Variants in ST3GAL6 observed in about 807,000 individuals in gnomAD.
ST3GAL6 encodes the protein ST3 beta-galactoside alpha-2,3-sialyltransferase 6.
In ST3GAL6, 31 loss-of-function variants were observed where a neutral mutation model predicts 40.5. The observed-to-expected ratio is 0.77, with a 90% CI of 0.58 to 1.03. ST3GAL6 has a LOEUF of 1.03. Among genes scored for constraint, ST3GAL6 ranks in the 50% least tolerant of loss-of-function variants. The pLI is 0.00. For synonymous variants in ST3GAL6, 129 were observed against 136.9 expected, an observed-to-expected ratio of 0.94 and a Z score of 0.40; for missense variants, 357 against 393.2, an observed-to-expected ratio of 0.91 and a Z score of 0.78.
intron 9 of ST3GAL6, 60 bp from the exon 10 acceptor site, chr3:98,793,615 G>T: frequency 1.9e-6 from 2 of 1,069,052 alleles, no homozygotes; most frequent in Non-Finnish European, 1.3e-6. Context: ...GTACTCCATT[G>T]GTGCTGCTAA....
intron 9 of ST3GAL6, 40 bp downstream of exon 9, chr3:98,792,033 A>G (rs1941253236): frequency 6.7e-7 from 1 of 1,495,130 alleles, no homozygotes; most frequent in South Asian, 1.4e-5. Context: ...TATGCTTTGG[A>G]CTAATCTTTG....
chr3:98,782,447 C>T, intron 5 of ST3GAL6: 3 of 617,356 alleles, frequency 4.9e-6, no homozygotes, highest in Non-Finnish European at 8.6e-6. Context: ...AATATAAAAT[C>T]TAGTCTCTTC....
Position 98,770,864 on chromosome 3 carries a change from A to G in ST3GAL6, c.90-15A>G. Reference sequence around the variant, plus strand: ...CCGATTCTGGTTTCTGACTGACATTATTTTTGTCTCATAGGGTGGCACCTG... The same window carrying G: ...CCGATTCTGGTTTCTGACTGACATTGTTTTTGTCTCATAGGGTGGCACCTG... On this transcript the variant is annotated splice_polypyrimidine_tract_variant and intron_variant, in intron 2 of 9. Coordinates refer to ENST00000483910, the MANE Select transcript of ST3GAL6 (RefSeq NM_001323368.2). 6.2e-7 allele frequency: 1 copy of G among 1,613,086 alleles called. No individual in the cohort carries two copies. Among genetic ancestry groups the G allele is most frequent in the South Asian group, 1.1e-5 (1 of 91,024 alleles).
At chr3:98,748,670 T>C (rs1936745284) in intron 1 of ST3GAL6, among the ~76,000 whole-genome samples, 1 of 152,204 alleles carries the variant, frequency 6.6e-6, no homozygotes, top group African/African-American at 2.4e-5. Context: ...TTTGCCATGT[T>C]GGCCAGGCTG....
At chr3:98,733,700 T>G (rs1202865576) in intron 1 of ST3GAL6, 1 of 706,462 alleles carries the variant, frequency 1.4e-6, no homozygotes, top group Non-Finnish European at 1.7e-6. Context: ...TCAAGCCTCT[T>G]TCTTGTGTGC....
chr3:98,735,223 A>G (rs1013497137), intron 1 of ST3GAL6, among the ~76,000 whole-genome samples: 1 of 152,186 alleles, frequency 6.6e-6, no homozygotes. Flanking sequence ...AGTGGCTCAC[A>G]TAAAGGTTTG....
At chr3:98,741,536 T>C (rs1315139519) in intron 1 of ST3GAL6, among the ~76,000 whole-genome samples, 2 of 151,922 alleles carry the variant, frequency 1.3e-5, no homozygotes, top group Non-Finnish European at 2.9e-5. Flanking sequence ...CAAAGTTTGG[T>C]GTTACTAGAG....
intron 1 of ST3GAL6, among the ~76,000 whole-genome samples, chr3:98,757,402 C>A (rs1937507320): frequency 6.6e-6 from 1 of 152,160 alleles, no homozygotes; most frequent in African/African-American, 2.4e-5. Context: ...CAGCGTGGTC[C>A]TTAGCCACTG....
intron 1 of ST3GAL6, among the ~76,000 whole-genome samples, chr3:98,757,569 C>T (rs966517204): frequency 2.6e-5 from 4 of 152,148 alleles, no homozygotes; most frequent in African/African-American, 7.2e-5. Context: ...CCATTTCTGG[C>T]ATCAAAAAGA....
At chr3:98,755,244 C>T (rs754923390) in intron 1 of ST3GAL6, among the ~76,000 whole-genome samples, 17 of 152,028 alleles carry the variant, frequency 1.1e-4, no homozygotes, top group Non-Finnish European at 2.1e-4. Context: ...GACTGGGTTT[C>T]ACCATGTTAG....
upstream of ST3GAL6, among the ~76,000 whole-genome samples, chr3:98,760,478 G>T (rs1049850045): frequency 2.6e-5 from 4 of 152,216 alleles, no homozygotes; most frequent in African/African-American, 9.7e-5. Context: ...CAGACTGTGA[G>T]CTCTATTCTC....
chr3:98,782,460 G>A lies in ST3GAL6; in HGVS notation c.336-2485G>A, dbSNP rs574716179. On this transcript the variant is annotated intron_variant, in intron 5 of 9. Coordinates refer to ENST00000483910, the MANE Select transcript of ST3GAL6 (RefSeq NM_001323368.2). ...TGAATATAAAATCTAGTCTCTTCTG[G>A]TGATGGAGAAAAGGAAGTGTCATCC... 3.6e-4 allele frequency: 219 copies of A among 616,700 alleles called. 1 individual carries two copies. Among genetic ancestry groups the A allele is most frequent in the Middle Eastern group, 2.2e-3 (6 of 2,678 alleles). The allele number at this position is 616,700 out of a possible 1,614,324, so 38.2% of individuals were successfully genotyped here.
intron 1 of ST3GAL6, chr3:98,733,631 A>G (rs1397132363): frequency 1.0e-6 from 1 of 984,130 alleles, no homozygotes; most frequent in East Asian, 1.1e-4. Context: ...TTAATTTTCA[A>G]GATAAGGGAG....
intron 8 of ST3GAL6, among the ~76,000 whole-genome samples, chr3:98,791,089 G>A (rs1941169402): frequency 6.6e-6 from 1 of 152,114 alleles, no homozygotes; most frequent in Non-Finnish European, 1.5e-5. Context: ...AGCTTAAGAT[G>A]TATCTTGTTT....
intron 8 of ST3GAL6, 44 bp from the exon 9 acceptor site, chr3:98,791,797 T>C (rs763775298): frequency 2.6e-6 from 4 of 1,564,438 alleles, no homozygotes; most frequent in Non-Finnish European, 2.6e-6. Context: ...TGGTAACAAG[T>C]AGCTCCTTTT....
At chr3:98,789,000 T>C (rs994769829) in intron 8 of ST3GAL6, among the ~76,000 whole-genome samples, 2 of 152,244 alleles carry the variant, frequency 1.3e-5, no homozygotes, top group African/African-American at 4.8e-5. Context: ...TACAGCAATA[T>C]TGAAAGAGTT....
intron 1 of ST3GAL6, among the ~76,000 whole-genome samples, chr3:98,738,781 G>A (rs1333693976): frequency 1.4e-4 from 21 of 152,130 alleles, no homozygotes; most frequent in Non-Finnish European, 4.4e-5. Context: ...CACCCCACTG[G>A]CAGTATTAGA....
Position 98,763,379 on chromosome 3 carries a change from G to A in ST3GAL6, c.-72G>A. On this transcript the variant is annotated 5_prime_UTR_variant, in exon 1 of 10. Coordinates refer to ENST00000483910, the MANE Select transcript of ST3GAL6 (RefSeq NM_001323368.2). ...ACCAGCAGAGACTAGGATGGATGAC[G>A]GCCTGTCCAGGGGCTGAATGGACAC... 9.3e-6 allele frequency: 12 copies of A among 1,289,834 alleles called. No individual in the cohort carries two copies. The highest frequency in any genetic ancestry group is 1.0e-5 in the Non-Finnish European group (10 of 988,874). 79.9% of individuals were successfully genotyped at this position (1,289,834 alleles called of 1,614,324 possible). A position where few individuals can be genotyped will look rare whatever the true frequency, so the allele number is the denominator to read the frequency against.
At chr3:98,747,100 G>A (rs959376819) in intron 1 of ST3GAL6, among the ~76,000 whole-genome samples, 1 of 152,182 alleles carries the variant, frequency 6.6e-6, no homozygotes, top group African/African-American at 2.4e-5. Context: ...GTAAGGTTGT[G>A]CCTTGGATTA....
Sources: allele counts gnomAD v4.1 joint callset (sites outside exome capture counted in the v4.1 genomes callset), GRCh38; gene constraint gnomAD v4.1.1; transcripts MANE v1.5; gene names NCBI Gene and HGNC (gene_info 2026-07-23, HGNC 2026-07-21).